DENND2D: variants seen among roughly 807,000 people sequenced by gnomAD.
DENND2D encodes DENN domain containing 2D, also known as DENN domain-containing protein 2D.
DENND2D carries 37 observed loss-of-function variants against 59.8 expected under a neutral mutation model. The observed-to-expected ratio is 0.62, with a 90% CI of 0.48 to 0.81. DENND2D has a LOEUF of 0.81. Among genes scored for constraint, DENND2D ranks in the 40% least tolerant of loss-of-function variants. The pLI, the probability that DENND2D is intolerant of heterozygous loss-of-function variation, is 0.00. For missense variants in DENND2D, 525 were observed against 579.7 expected, an observed-to-expected ratio of 0.91 and a Z score of 0.97; for synonymous variants, 219 against 211.3, an observed-to-expected ratio of 1.04 and a Z score of -0.31.
chr1:111,198,054 A>C, intron 3 of DENND2D, 65 bp from the exon 4 acceptor site: 3 of 1,539,478 alleles, frequency 1.9e-6, no homozygotes, highest in Non-Finnish European at 2.7e-6. Flanking sequence ...GAAAGTGGTC[A>C]GCACTAGAGG....
At chr1:111,200,078 C>A (rs1658649061) in intron 1 of DENND2D, 1 of 549,874 alleles carries the variant, frequency 1.8e-6, no homozygotes, top group South Asian at 2.5e-5. Flanking sequence ...GAGGCCAAGG[C>A]CCCAGGGTAC....
rs571838569 is a variant in DENND2D at position 111,186,685 on chromosome 1, C to T, written c.*920G>A. On this transcript the variant is annotated 3_prime_UTR_variant, in exon 12 of 12. Transcript: ENST00000357640. ...TCAAAGGGGAAGAACGTCAGTGCAGCGATCCCTTCACCTTTAGTTAAAGAA... is the reference window on the plus strand; with the variant it reads ...TCAAAGGGGAAGAACGTCAGTGCAGTGATCCCTTCACCTTTAGTTAAAGAA... 6.6e-6 allele frequency among the ~76,000 whole-genome samples: 1 copy of T among 152,140 alleles called. No homozygotes were observed. The highest frequency in any genetic ancestry group is 2.4e-5 in the African/African-American group (1 of 41,424).
Position 111,199,721 on chromosome 1 carries a change from C to T in DENND2D, c.145G>A (p.Gly49Arg), listed in dbSNP as rs1248685886. ...AQEHSLPNFA[G>R]GQHFFEYLLV... Reference sequence around the variant, plus strand: ...AGGTATTCAAAGAAGTGCTGCCCCCCAGCAAAGTTGGGCAAAGAGTGCTCC... The same window carrying T: ...AGGTATTCAAAGAAGTGCTGCCCCCTAGCAAAGTTGGGCAAAGAGTGCTCC... Residue 49 changes from glycine (G) to arginine (R), a missense_variant, in exon 2 of 12, where the codon GGG becomes AGG. Physicochemically the swap from Gly to Arg is moderately radical, Grantham distance 125. This residue lies in a region of DENND2D where 253 missense variants were observed against 246.4 expected (regional missense o/e 1.03). Transcript: ENST00000357640. 2 of 1,614,188 alleles carry T rather than the reference C, an allele frequency of 1.2e-6. No homozygotes were observed. The highest frequency in any genetic ancestry group is 2.2e-5 in the South Asian group (2 of 91,084).
intron 8 of DENND2D, among the ~76,000 whole-genome samples, chr1:111,190,913 G>A (rs1269011197): frequency 6.6e-6 from 1 of 152,186 alleles, no homozygotes; most frequent in Non-Finnish European, 1.5e-5. Flanking sequence ...GGATTGGGGG[G>A]AGAGAGTGTG....
chr1:111,202,677 T>G (rs920163718), upstream of DENND2D, among the ~76,000 whole-genome samples: 1 of 139,152 alleles, frequency 7.2e-6, no homozygotes, highest in Non-Finnish European at 1.5e-5. Context: ...CACCACCACA[T>G]CACTCCTTGT....
rs1351607829 is a variant in DENND2D at position 111,188,893 on chromosome 1, G to A, written c.1015-107C>T. 1.9e-5 allele frequency: 18 copies of A among 934,340 alleles called. No individual in the cohort carries two copies. The Admixed American group carries it at 2.1e-4, about 11-fold the overall frequency. 57.9% of individuals were successfully genotyped at this position (934,340 alleles called of 1,614,324 possible). A position where few individuals can be genotyped will look rare whatever the true frequency, so the allele number is the denominator to read the frequency against. The stretch of plus-strand genomic sequence containing the variant: ...TGAATTCTACACCCCCACTCCACCC[G>A]CAAATAGCCACATAGGACAGAAACA... On this transcript the variant is annotated intron_variant, in intron 9 of 11. Coordinates refer to ENST00000357640, the MANE Select transcript of DENND2D (RefSeq NM_024901.5).
At position 111,195,537 on chromosome 1, in the gene DENND2D, T is replaced by C. The variant is rs1247426755; in HGVS notation, c.645+379A>G. 1.9e-5 allele frequency: 4 copies of C among 215,482 alleles called. 1 individual carries two copies. Among genetic ancestry groups the C allele is most frequent in the Non-Finnish European group, 2.9e-5 (3 of 105,166 alleles). 13.3% of individuals were successfully genotyped at this position (215,482 alleles called of 1,614,324 possible). ...GAGACTCGGAGGTGGGGATGGATGA[T>C]AAGAAATGGACAGATGGACGCTGTA... On this transcript the variant is annotated intron_variant, in intron 6 of 11. Coordinates refer to ENST00000357640, the MANE Select transcript of DENND2D (RefSeq NM_024901.5).
intron 2 of DENND2D, among the ~76,000 whole-genome samples, chr1:111,199,221 A>C (rs1192156173): frequency 6.6e-6 from 1 of 152,194 alleles, no homozygotes; most frequent in African/African-American, 2.4e-5. Flanking sequence ...GTGCCTGCCC[A>C]CCAGTTACAA....
At chr1:111,193,625 C>A (rs1657967852) in intron 7 of DENND2D, among the ~76,000 whole-genome samples, 1 of 152,162 alleles carries the variant, frequency 6.6e-6, no homozygotes, top group African/African-American at 2.4e-5. Context: ...TTCACCTGCC[C>A]CTCTGACTTC....
chr1:111,187,333 T>A lies in DENND2D; in HGVS notation c.*272A>T. 2.2e-6 allele frequency: 1 copy of A among 457,198 alleles called. No individual in the cohort carries two copies. Among genetic ancestry groups the A allele is most frequent in the Non-Finnish European group, 4.0e-6 (1 of 249,020 alleles). 28.3% of individuals were successfully genotyped at this position (457,198 alleles called of 1,614,324 possible). A position where few individuals can be genotyped will look rare whatever the true frequency, so the allele number is the denominator to read the frequency against. On this transcript the variant is annotated 3_prime_UTR_variant, in exon 12 of 12. Transcript: ENST00000357640. ...CTTCTAACCAAGTGTCTACAACACA[T>A]GTACTACTGTTTCCTACCTGTGTCA...
chr1:111,187,765 C>T (rs1477262387), intron 11 of DENND2D, 84 bp from the exon 12 acceptor site: 55 of 1,096,162 alleles, frequency 5.0e-5, no homozygotes, highest in Non-Finnish European at 7.1e-5. Flanking sequence ...TCAGAAATAT[C>T]CTGTCTGCTC....
intron 8 of DENND2D, among the ~76,000 whole-genome samples, chr1:111,190,174 A>AACAAAACAAAAC (rs77382405): frequency 2.6e-4 from 39 of 148,754 alleles, no homozygotes; most frequent in South Asian, 1.3e-3. Flanking sequence ...AAAAAAAAAA[A>AACAAAACAAAAC]AAAAAAAAAC....
intron 6 of DENND2D, chr1:111,195,564 G>C: frequency 7.0e-6 from 2 of 283,820 alleles, no homozygotes; most frequent in Middle Eastern, 1.3e-3. Context: ...GACGCTGTAA[G>C]GTAGAGACAG....
chr1:111,203,602 C>G (rs1415676255), upstream of DENND2D, among the ~76,000 whole-genome samples: 1 of 152,264 alleles, frequency 6.6e-6, no homozygotes, highest in Non-Finnish European at 1.5e-5. Flanking sequence ...AAGTTGACTT[C>G]TAATTTAATC....
At chr1:111,204,447 CG>C (rs1247017341), upstream of DENND2D, 88 of 1,234,392 alleles carry the variant, frequency 7.1e-5, no homozygotes, top group Non-Finnish European at 8.7e-5. Context: ...CACTTTCACG[CG>C]GGGGGAGGCC....
In DENND2D at chr1:111,188,298, G is replaced by T. The variant is rs761055470; in HGVS notation, c.1172C>A (p.Ala391Asp). 5 of 1,614,160 alleles carry T rather than the reference G, an allele frequency of 3.1e-6. No individual in the cohort carries two copies. The highest frequency in any genetic ancestry group is 4.2e-6 in the Non-Finnish European group (5 of 1,180,040). ...QFFVKIVGHY[A>D]SYIKREANGQ... ...ATTTGCCTCCCGCTTGATATAGGAAGCATAATGGCCCACAATCTTGACAAA... is the reference window on the plus strand; with the variant it reads ...ATTTGCCTCCCGCTTGATATAGGAATCATAATGGCCCACAATCTTGACAAA... The change falls in exon 11 of 12, where the codon GCT becomes GAT. Residue 391 changes from alanine to aspartate, a missense_variant. Ala to Asp is a moderately radical substitution (Grantham distance 126). Coordinates refer to ENST00000357640, the MANE Select transcript of DENND2D (RefSeq NM_024901.5).
chr1:111,196,898 G>A (rs1165062295), intron 5 of DENND2D: 1 of 399,558 alleles, frequency 2.5e-6, no homozygotes, highest in Non-Finnish European at 4.7e-6. Context: ...TGAAACTCAG[G>A]GCAGAAGTTT....
At position 111,199,755 on chromosome 1, in the gene DENND2D, T is replaced by G. The variant is rs556599979; in HGVS notation, c.111A>C (p.Glu37Asp). The G allele has an allele frequency of 1.9e-6, 3 of 1,614,116 alleles. No individual in the cohort carries two copies. The South Asian group carries it at 3.3e-5, about 18-fold the overall frequency. Residue 37 changes from glutamate to aspartate, a missense_variant, in exon 2 of 12, where the codon GAA becomes GAC. Transcript: ENST00000357640. The stretch of plus-strand genomic sequence containing the variant: ...TGGGCAAAGAGTGCTCCTGGGCCCT[T>G]TCTGGTTCCTTTAAAGCTTCCCCTG... ...DNSGEALKEP[E>D]RAQEHSLPNF...
intron 2 of DENND2D, 129 bp from the exon 3 acceptor site, chr1:111,198,871 G>A (rs143149220): frequency 8.3e-6 from 7 of 848,284 alleles, no homozygotes; most frequent in Non-Finnish European, 1.3e-5. Context: ...CACTAGCATA[G>A]GGGCGAAGGG....
Sources: allele counts gnomAD v4.1 joint callset (sites outside exome capture counted in the v4.1 genomes callset), GRCh38; gene constraint gnomAD v4.1.1; regional missense constraint gnomAD v4.1.1; transcripts MANE v1.5; gene names NCBI Gene and HGNC (gene_info 2026-07-23, HGNC 2026-07-21).